C16orf89: variants seen among roughly 807,000 people sequenced by gnomAD.
C16orf89 encodes the protein UPF0764 protein C16orf89.
Under a neutral mutation model 41.5 loss-of-function variants are expected in C16orf89, and 57 were observed. The observed-to-expected ratio is 1.38, with a 90% CI of 1.11 to 1.71. The LOEUF (loss-of-function observed/expected upper bound fraction) is 1.71. Ranked by LOEUF, C16orf89 falls within the 40% of genes most tolerant of loss-of-function variation. C16orf89 has a pLI of 0.00. For synonymous variants in C16orf89, 223 were observed against 190.6 expected (o/e 1.17, Z -1.40); for missense variants, 575 against 445.9 (o/e 1.29, Z -2.61).
intron 1 of C16orf89, among the ~76,000 whole-genome samples, chr16:5,063,705 G>A (rs371469610): frequency 1.1e-4 from 16 of 152,150 alleles, no homozygotes; most frequent in African/African-American, 3.4e-4. Context: ...TCTAATGCCC[G>A]ATGATCTGAG....
intron 5 of C16orf89, chr16:5,055,678 G>A: frequency 6.5e-7 from 1 of 1,534,310 alleles, no homozygotes; most frequent in Non-Finnish European, 8.7e-7. Flanking sequence ...GGGTCTGTCT[G>A]CCAGTCACCT....
At chr16:5,052,482 T>G (rs951520794) in intron 6 of C16orf89, among the ~76,000 whole-genome samples, 2 of 152,022 alleles carry the variant, frequency 1.3e-5, no homozygotes, top group African/African-American at 4.8e-5. Flanking sequence ...TCTCAGCTAC[T>G]CAGGAAGCTG....
At chr16:5,045,670 C>T (rs73512373) in intron 7 of C16orf89, among the ~76,000 whole-genome samples, 3,869 of 152,180 alleles carry the variant, frequency 0.025, 152 homozygotes, top group African/African-American at 0.088. Flanking sequence ...AGTTGTTAGC[C>T]CCCAACAGTT....
intron 3 of C16orf89, among the ~76,000 whole-genome samples, chr16:5,059,924 G>A (rs532781238): frequency 2.0e-5 from 3 of 151,968 alleles, no homozygotes; most frequent in East Asian, 2.0e-4. Flanking sequence ...TGGGTGGGGT[G>A]GGGGGAGCAA....
intron 7 of C16orf89, among the ~76,000 whole-genome samples, chr16:5,047,161 G>T (rs1457366733): frequency 2.0e-5 from 3 of 152,124 alleles, no homozygotes; most frequent in Admixed American, 1.3e-4. Flanking sequence ...TCTCCCCCTT[G>T]TTCAGCCCCT....
chr16:5,064,110 G>A (rs993561374), intron 1 of C16orf89, among the ~76,000 whole-genome samples: 13 of 152,028 alleles, frequency 8.6e-5, no homozygotes. Flanking sequence ...GGGCGACAGA[G>A]CGAGACTCCG....
At chr16:5,065,570 T>C (rs2142687697) in intron 1 of C16orf89, 131 bp downstream of exon 1, 2 of 1,118,190 alleles carry the variant, frequency 1.8e-6, no homozygotes, top group South Asian at 3.3e-5. Context: ...TGGCCTCCTC[T>C]CTCCTTATAG....
chr16:5,049,070 T>C (rs1956353497), intron 6 of C16orf89, among the ~76,000 whole-genome samples: 1 of 152,216 alleles, frequency 6.6e-6, no homozygotes, highest in Non-Finnish European at 1.5e-5. Context: ...GGAGTAGCTA[T>C]ACTTAGATAA....
chr16:5,065,349 G>C (rs934888447), intron 1 of C16orf89, among the ~76,000 whole-genome samples: 2 of 152,196 alleles, frequency 1.3e-5, no homozygotes, highest in African/African-American at 4.8e-5. Context: ...TCATTCAAGG[G>C]GAGGGGTCTT....
At chr16:5,052,071 C>A (rs12443993) in intron 6 of C16orf89, among the ~76,000 whole-genome samples, 18,573 of 136,070 alleles carry the variant, frequency 0.14, 1,280 homozygotes, top group Middle Eastern at 0.21. Context: ...TACGGCACAC[C>A]ATCCTGGGTG....
At chr16:5,054,852 G>A (rs987914113) in intron 6 of C16orf89, among the ~76,000 whole-genome samples, 3 of 152,176 alleles carry the variant, frequency 2.0e-5, no homozygotes, top group Non-Finnish European at 4.4e-5. Flanking sequence ...GCCACTATGT[G>A]AGACGTCCCT....
chr16:5,058,604 G>C lies in C16orf89; in HGVS notation c.516C>G (p.Asp172Glu). 1 of 1,610,302 alleles carries C rather than the reference G, an allele frequency of 6.2e-7. No individual in the cohort carries two copies. The highest frequency in any genetic ancestry group is 8.5e-7 in the Non-Finnish European group (1 of 1,178,304). The change falls in exon 4 of 8, where the codon GAC becomes GAG. Residue 172 changes from aspartate (D) to glutamate (E), a missense_variant. By Grantham distance (45) the Asp-to-Glu change is conservative. Transcript: ENST00000472572. ...CTGAGAGGCCGCAGGGCTCGCTGCT[G>C]TCCGTCCTGGGGGAAAGTGGTTCCA... is the stretch of plus-strand genomic sequence containing the variant. ...CLVQLLGTGT[D>E]SSEPCGLSDL...
intron 7 of C16orf89, chr16:5,044,860 C>T: frequency 8.0e-7 from 1 of 1,255,986 alleles, no homozygotes; most frequent in South Asian, 1.3e-5. Context: ...AAAAAAAGTG[C>T]TTTTCAGATG....
chr16:5,055,569 G>C (rs1226024842), intron 5 of C16orf89: 22 of 1,189,534 alleles, frequency 1.8e-5, no homozygotes, highest in African/African-American at 3.1e-5. Flanking sequence ...GCCTTGGTCA[G>C]GGCTGCTCCA....
intron 1 of C16orf89, among the ~76,000 whole-genome samples, chr16:5,063,881 C>T (rs1357653976): frequency 6.6e-6 from 1 of 152,188 alleles, no homozygotes; most frequent in African/African-American, 2.4e-5. Context: ...AATCCCAGCA[C>T]TTTGCGAGGC....
At position 5,044,143 on chromosome 16, in the gene C16orf89, T is replaced by C; in HGVS notation, c.*205A>G. On this transcript the variant is annotated 3_prime_UTR_variant, in exon 8 of 8. Transcript: ENST00000472572. ...TGGGTCAGTTGCAGTTGAACTTTAT[T>C]CATCCGTTCACACCTGGGTCCCTCC... 1 of 1,286,132 alleles carries C rather than the reference T, an allele frequency of 7.8e-7. No homozygotes were observed. The allele number at this position is 1,286,132 out of a possible 1,614,324, so 79.7% of individuals were successfully genotyped here.
intron 7 of C16orf89, 148 bp from the exon 8 acceptor site, chr16:5,044,626 G>A (rs967719357): frequency 2.1e-6 from 3 of 1,428,538 alleles, no homozygotes; most frequent in Non-Finnish European, 2.8e-6. Flanking sequence ...CGGATCTCTT[G>A]AGATCAGGAG....
At chr16:5,053,705 G>A (rs143953564) in intron 6 of C16orf89, among the ~76,000 whole-genome samples, 117 of 152,126 alleles carry the variant, frequency 7.7e-4, no homozygotes, top group African/African-American at 2.7e-3. Flanking sequence ...CACCACACCC[G>A]GCTAATGTTT....
At chr16:5,049,540 A>C (rs969686577) in intron 6 of C16orf89, among the ~76,000 whole-genome samples, 3 of 152,240 alleles carry the variant, frequency 2.0e-5, no homozygotes, top group Non-Finnish European at 4.4e-5. Flanking sequence ...AGAAATCAAT[A>C]ACAAGAGGAA....
Sources: allele counts gnomAD v4.1 joint callset (sites outside exome capture counted in the v4.1 genomes callset), GRCh38; gene constraint gnomAD v4.1.1; transcripts MANE v1.5; gene names NCBI Gene and HGNC (gene_info 2026-07-23, HGNC 2026-07-21).